Variants in PDS5A observed in about 807,000 individuals in gnomAD.
The protein encoded by PDS5A is sister chromatid cohesion protein PDS5 homolog A.
PDS5A carries 42 observed loss-of-function variants against 167.1 expected under a neutral mutation model. The ratio of observed to expected loss-of-function variants is 0.25; its 90% CI spans 0.20 to 0.33. The LOEUF is 0.33. Among genes scored for constraint, PDS5A ranks in the 10% least tolerant of loss-of-function variants. PDS5A has a pLI of 1.00. For missense variants in PDS5A, 1,033 were observed against 1,605.9 expected, an observed-to-expected ratio of 0.64 and a Z score of 6.10; for synonymous variants, 553 against 554.6, an observed-to-expected ratio of 1.00 and a Z score of 0.04.
rs996888566 is a variant in PDS5A, at chr4:39,900,410, C to A, written c.1581+16G>T. Reference sequence around the variant, plus strand: ...GACTATAATAAACTATGAATTTAAACAAATCATGAACCTACTGTAGGCTGC... The same window carrying A: ...GACTATAATAAACTATGAATTTAAAAAAATCATGAACCTACTGTAGGCTGC... On this transcript the variant is annotated intron_variant, in intron 14 of 32. Coordinates refer to ENST00000303538, the MANE Select transcript of PDS5A (RefSeq NM_001100399.2). 1 of 1,521,214 alleles carries A rather than the reference C, an allele frequency of 6.6e-7. No homozygotes were observed. The highest frequency in any genetic ancestry group is 1.4e-5 in the African/African-American group (1 of 73,310). 94.2% of individuals were successfully genotyped at this position (1,521,214 alleles called of 1,614,324 possible). A position where few individuals can be genotyped will look rare whatever the true frequency, so the allele number is the denominator to read the frequency against.
chr4:39,859,101 C>A (rs2109538050), intron 26 of PDS5A, among the ~76,000 whole-genome samples: 1 of 152,054 alleles, frequency 6.6e-6, no homozygotes, highest in African/African-American at 2.4e-5. Context: ...AAAAAGACAA[C>A]CCAATTAATA....
intron 17 of PDS5A, among the ~76,000 whole-genome samples, chr4:39,883,793 G>A (rs1485967385): frequency 6.6e-6 from 1 of 151,960 alleles, no homozygotes; most frequent in Non-Finnish European, 1.5e-5. Context: ...ATGGTATCCT[G>A]CTAATTTCTG....
chr4:39,958,831 G>A lies in PDS5A; in HGVS notation c.138+17609C>T, dbSNP rs1204212412. ...ACCATGTTGGCCAGGTTGGTCTCAA[G>A]CTCCTGGCCTCAAGTGATCCACCTG... On this transcript the variant is annotated intron_variant, in intron 2 of 32. Transcript: ENST00000303538. Among the ~76,000 whole-genome samples the A allele has an allele frequency of 3.9e-5, 6 of 151,970 alleles. No individual in the cohort carries two copies. In the South Asian group the frequency reaches 1.0e-3, roughly 26 times the overall value.
At chr4:39,848,637 C>A in intron 28 of PDS5A, 1 of 464,198 alleles carries the variant, frequency 2.2e-6, no homozygotes, top group African/African-American at 2.0e-5. Context: ...ACTAGAAATT[C>A]CTAGAATAAA....
At chr4:39,852,199 A>G (rs781244009) in intron 26 of PDS5A, among the ~76,000 whole-genome samples, 9 of 152,216 alleles carry the variant, frequency 5.9e-5, no homozygotes, top group Non-Finnish European at 1.3e-4. Flanking sequence ...AAGTTGTTCA[A>G]TATAATGTTA....
chr4:39,868,078 G>T (rs939682045), intron 22 of PDS5A, among the ~76,000 whole-genome samples: 2 of 152,266 alleles, frequency 1.3e-5, no homozygotes, highest in African/African-American at 4.8e-5. Flanking sequence ...AACACAAAGT[G>T]AAAGATTATC....
chr4:39,935,122 TATTG>T lies in PDS5A; in HGVS notation c.139-6962_139-6959del, dbSNP rs796770793. ...GTTGTAAAGATTTTCTCCGCTGTGG[TATTG>T]ATTGATTGATTGATTGACTGATTGG... On this transcript the variant is annotated intron_variant, in intron 2 of 32. Coordinates refer to ENST00000303538, the MANE Select transcript of PDS5A (RefSeq NM_001100399.2). 1.8e-3 allele frequency among the ~76,000 whole-genome samples: 280 copies of T among 152,340 alleles called. 1 individual carries two copies. The highest frequency in any genetic ancestry group is 6.3e-3 in the African/African-American group (261 of 41,586).
chr4:39,930,881 C>T (rs1419799264), intron 2 of PDS5A, among the ~76,000 whole-genome samples: 1 of 152,158 alleles, frequency 6.6e-6, no homozygotes, highest in East Asian at 1.9e-4. Context: ...ATAGGATGCA[C>T]TTACCACTGT....
intron 2 of PDS5A, among the ~76,000 whole-genome samples, chr4:39,946,557 GAA>G (rs907870112): frequency 6.6e-6 from 1 of 151,990 alleles, no homozygotes; most frequent in African/African-American, 2.4e-5. Flanking sequence ...GACTGACCAA[GAA>G]AAAAAGACCA....
chr4:39,933,762 T>C (rs1192808183), intron 2 of PDS5A, among the ~76,000 whole-genome samples: 2 of 152,214 alleles, frequency 1.3e-5, no homozygotes, highest in East Asian at 1.9e-4. Context: ...TTTTTAAATA[T>C]GTCGTTACTG....
In PDS5A at chr4:39,902,501, T is replaced by C. The variant is rs373053578; in HGVS notation, c.1386-41A>G. 2.4e-5 allele frequency: 24 copies of C among 999,642 alleles called. 1 individual carries two copies. Among genetic ancestry groups the C allele is most frequent in the African/African-American group, 4.9e-5 (3 of 60,608 alleles). The allele number at this position is 999,642 out of a possible 1,614,324, so 61.9% of individuals were successfully genotyped here. A position where few individuals can be genotyped will look rare whatever the true frequency, so the allele number is the denominator to read the frequency against. Reference sequence around the variant, plus strand: ...AACAAAAAAAACCTAAGTGACACAATTATTCCATTTTTAAGAAGCAATTTT... The same window carrying C: ...AACAAAAAAAACCTAAGTGACACAACTATTCCATTTTTAAGAAGCAATTTT... On this transcript the variant is annotated intron_variant, in intron 12 of 32. Coordinates refer to ENST00000303538, the MANE Select transcript of PDS5A (RefSeq NM_001100399.2).
chr4:39,973,156 T>C (rs572929158), intron 2 of PDS5A: 64 of 953,490 alleles, frequency 6.7e-5, no homozygotes, highest in Non-Finnish European at 1.1e-4. Flanking sequence ...AATGGCACTG[T>C]TAACTGCTTT....
chr4:39,835,615 C>T (rs537971514), intron 32 of PDS5A, among the ~76,000 whole-genome samples: 17 of 152,220 alleles, frequency 1.1e-4, no homozygotes, highest in Admixed American at 3.3e-4. Context: ...CCCCGCCTCC[C>T]GGGTTCAAGC....
Position 39,860,483 on chromosome 4 carries a change from A to G in PDS5A, c.3086+1736T>C, listed in dbSNP as rs181147783. Reference sequence around the variant, plus strand: ...CTTGTCTCAAAAAAAAAAAGGAAAAAAAGGAAAAAAAGAAAGGAAATTAGT... The same window carrying G: ...CTTGTCTCAAAAAAAAAAAGGAAAAGAAGGAAAAAAAGAAAGGAAATTAGT... On this transcript the variant is annotated intron_variant, in intron 26 of 32. Transcript: ENST00000303538. Among the ~76,000 whole-genome samples the G allele has an allele frequency of 1.2e-4, 18 of 152,206 alleles. No individual in the cohort carries two copies. In the East Asian group the frequency reaches 3.3e-3, roughly 28 times the overall value.
chr4:39,938,275 C>A (rs980751347), intron 2 of PDS5A, among the ~76,000 whole-genome samples: 1 of 152,170 alleles, frequency 6.6e-6, no homozygotes, highest in Non-Finnish European at 1.5e-5. Flanking sequence ...TGTGTCTGGG[C>A]CGGGCACGGT....
chr4:39,930,493 T>C (rs1478841536), intron 2 of PDS5A, among the ~76,000 whole-genome samples: 1 of 151,998 alleles, frequency 6.6e-6, no homozygotes, highest in African/African-American at 2.4e-5. Context: ...TTAATTCAAG[T>C]TTGCATTCTA....
intron 13 of PDS5A, among the ~76,000 whole-genome samples, chr4:39,901,748 T>A (rs751194881): frequency 3.9e-5 from 6 of 152,160 alleles, no homozygotes; most frequent in Non-Finnish European, 8.8e-5. Flanking sequence ...GAATTCTTAA[T>A]GACATCACTC....
chr4:39,930,246 A>AAAAAAAAAAAAAAATTTTTTTTT, intron 2 of PDS5A, among the ~76,000 whole-genome samples: 15 of 93,086 alleles, frequency 1.6e-4, no homozygotes, highest in South Asian at 4.4e-4. Flanking sequence ...AAAAAAAAAA[A>AAAAAAAAAAAAAAATTTTTTTTT]GTTTTTTTGT....
Position 39,837,884 on chromosome 4 carries a change from G to C in PDS5A, c.3982C>G (p.Pro1328Ala), listed in dbSNP as rs1716576751. ...TGTAAGTCAATTTGTCTTTCTGCTG[G>C]TGCTGCCTTTTTGGCTAAATCTTGC... ...KLQDLAKKAA[P>A]AERQIDLQR Residue 1328 changes from proline to alanine, a missense_variant, in exon 32 of 33, where the codon CCA becomes GCA. By Grantham distance (27) the Pro-to-Ala change is conservative. Coordinates refer to ENST00000303538, the MANE Select transcript of PDS5A (RefSeq NM_001100399.2). 1 of 1,612,030 alleles carries C rather than the reference G, an allele frequency of 6.2e-7. No homozygotes were observed.
Sources: gnomAD v4.1 joint callset for allele counts (sites outside exome capture counted in the v4.1 genomes callset) on GRCh38, gnomAD v4.1.1 for gene constraint, MANE v1.5 for transcripts, NCBI Gene and HGNC (gene_info 2026-07-23, HGNC 2026-07-21) for gene names.